ELMOD3: variants seen among roughly 807,000 people sequenced by gnomAD.
ELMOD3 encodes ELMO domain containing 3.
A neutral mutation model predicts 47.4 loss-of-function variants in ELMOD3; 36 were observed. That is an observed-to-expected ratio of 0.76 (90% CI 0.58 to 1.00). The LOEUF (loss-of-function observed/expected upper bound fraction) is 1.00. Among genes scored for constraint, ELMOD3 ranks in the 50% least tolerant of loss-of-function variants. The pLI is 0.00. For missense variants in ELMOD3, 404 were observed against 463.8 expected (o/e 0.87, Z 1.18); for synonymous variants, 149 against 183.5 (o/e 0.81, Z 1.52).
At chr2:85,364,091 T>C (rs1684174567) in intron 6 of ELMOD3, among the ~76,000 whole-genome samples, 1 of 152,156 alleles carries the variant, frequency 6.6e-6, no homozygotes, top group South Asian at 2.1e-4. Flanking sequence ...ATTGTGCTAC[T>C]GCACCCATAC....
Position 85,371,145 on chromosome 2 carries a change from C to T in ELMOD3, c.420C>T (p.Phe140=), listed in dbSNP as rs767176022. 9 of 1,614,098 alleles carry T rather than the reference C, an allele frequency of 5.6e-6. No homozygotes were observed. The highest frequency in any genetic ancestry group is 1.3e-5 in the African/African-American group (1 of 74,942). ...TCGCCGCCCTCCGACACTACCTCTT[C>T]GGGCCTCCAAAGCTCCACCAGCGCC... ...TGLAALRHYL[F]GPPKLHQRLR... Residue 140 remains phenylalanine, a synonymous_variant, in exon 9 of 14, where the codon TTC becomes TTT. Transcript: ENST00000409013.
intron 4 of ELMOD3, chr2:85,360,917 T>G (rs1683907631): frequency 5.9e-6 from 1 of 169,728 alleles, no homozygotes; most frequent in African/African-American, 2.4e-5. Flanking sequence ...TTTAGATACA[T>G]GATACTTCTT....
intron 9 of ELMOD3, 82 bp from the exon 10 acceptor site, chr2:85,371,358 C>A: frequency 6.2e-7 from 1 of 1,601,150 alleles, no homozygotes; most frequent in Non-Finnish European, 8.5e-7. Flanking sequence ...GTCTCACAGT[C>A]CAGATCTCAC....
intron 10 of ELMOD3, chr2:85,371,924 A>C: frequency 4.5e-6 from 1 of 221,112 alleles, no homozygotes; most frequent in Admixed American, 5.3e-5. Context: ...TAATCCCAGC[A>C]CTTTGGGAGG....
intron 4 of ELMOD3, among the ~76,000 whole-genome samples, chr2:85,360,058 T>C (rs1297832827): frequency 1.3e-5 from 2 of 151,982 alleles, no homozygotes; most frequent in Non-Finnish European, 2.9e-5. Flanking sequence ...CGCGAGACTC[T>C]ATCTCAAAAA....
chr2:85,377,208 G>A, intron 10 of ELMOD3, 136 bp from the exon 11 acceptor site: 5 of 764,708 alleles, frequency 6.5e-6, no homozygotes, highest in Non-Finnish European at 9.5e-6. Context: ...AGCCCCACAA[G>A]TGTGGCAGAA....
intron 11 of ELMOD3, among the ~76,000 whole-genome samples, chr2:85,389,179 C>G (rs1686137762): frequency 6.6e-6 from 1 of 152,216 alleles, no homozygotes; most frequent in Non-Finnish European, 1.5e-5. Context: ...GGGGTCTGAC[C>G]CGCACAGCTG....
At chr2:85,358,389 G>C (rs1280817159) in intron 4 of ELMOD3, among the ~76,000 whole-genome samples, 1 of 152,146 alleles carries the variant, frequency 6.6e-6, no homozygotes, top group Non-Finnish European at 1.5e-5. Context: ...TTAGAGGTGT[G>C]AGACAGCATT....
chr2:85,390,287 G>A lies in ELMOD3; in HGVS notation c.943+22G>A, dbSNP rs780476562. The A allele has an allele frequency of 4.8e-5, 77 of 1,613,984 alleles. 3 individuals carry two copies. The South Asian group carries it at 8.2e-4, about 17-fold the overall frequency. On this transcript the variant is annotated intron_variant, in intron 13 of 13. Transcript: ENST00000409013. ...AAAGGTGTGCTCTTTCTTCTGGGGA[G>A]GCCTAGGCTGAATGCACAGTGTCCC...
intron 10 of ELMOD3, among the ~76,000 whole-genome samples, chr2:85,375,943 C>A (rs1685142185): frequency 6.6e-6 from 1 of 152,216 alleles, no homozygotes; most frequent in Non-Finnish European, 1.5e-5. Context: ...GGGCTTCCGC[C>A]TTTCTTTTCC....
At position 85,390,547 on chromosome 2, in the gene ELMOD3, A is replaced by G. The variant is rs549828410; in HGVS notation, c.944-213A>G. 6.8e-5 allele frequency: 107 copies of G among 1,571,702 alleles called. No individual in the cohort carries two copies. The Admixed American group carries it at 1.6e-3, about 24-fold the overall frequency. On this transcript the variant is annotated intron_variant, in intron 13 of 13. Coordinates refer to ENST00000409013, the MANE Select transcript of ELMOD3 (RefSeq NM_001135022.2). ...AATAGTTGGACTATTCAAAGTTGCA[A>G]TTGTGCAGACAAGGTAGAGTGTGTG...
chr2:85,383,392 C>G (rs1685724171), intron 11 of ELMOD3, among the ~76,000 whole-genome samples: 1 of 151,724 alleles, frequency 6.6e-6, no homozygotes, highest in African/African-American at 2.4e-5. Flanking sequence ...TCACTGCATT[C>G]CAGCCTGGGT....
intron 11 of ELMOD3, among the ~76,000 whole-genome samples, chr2:85,381,417 A>C (rs1296609803): frequency 6.6e-6 from 1 of 152,270 alleles, no homozygotes. Flanking sequence ...TAATAAAAAC[A>C]GCATGAAGCC....
chr2:85,378,128 T>C (rs1212053514), intron 11 of ELMOD3, among the ~76,000 whole-genome samples: 1 of 152,212 alleles, frequency 6.6e-6, no homozygotes, highest in African/African-American at 2.4e-5. Context: ...TTGTGGGAGC[T>C]AAGAACATAA....
chr2:85,387,286 A>G (rs958625465), intron 11 of ELMOD3: 7 of 1,056,466 alleles, frequency 6.6e-6, no homozygotes, highest in Non-Finnish European at 8.2e-6. Flanking sequence ...TGTGCCTAGT[A>G]CTTTGCACAT....
chr2:85,373,978 G>C (rs1009029415), intron 10 of ELMOD3, among the ~76,000 whole-genome samples: 15 of 139,948 alleles, frequency 1.1e-4, no homozygotes, highest in African/African-American at 4.0e-4. Context: ...CTTAGGATAG[G>C]TCTGCTGGCT....
At chr2:85,362,392 A>C (rs1247337716) in intron 5 of ELMOD3, 132 bp downstream of exon 5, 1 of 656,594 alleles carries the variant, frequency 1.5e-6, no homozygotes, top group Non-Finnish European at 2.8e-6. Flanking sequence ...CTCACACTTG[A>C]GGGGAGTGAG....
intron 7 of ELMOD3, 127 bp from the exon 8 acceptor site, chr2:85,369,612 T>A (rs1684642985): frequency 1.1e-6 from 1 of 924,986 alleles, no homozygotes; most frequent in Non-Finnish European, 1.7e-6. Context: ...TGGTTGTAGC[T>A]GTAAGTGTCT....
rs376853743 is a variant in ELMOD3, at chr2:85,373,088, C to G, written c.607+1526C>G. On this transcript the variant is annotated intron_variant, in intron 10 of 13. Coordinates refer to ENST00000409013, the MANE Select transcript of ELMOD3 (RefSeq NM_001135022.2). ...TGGCCAACATGGCGAAACCCCATCT[C>G]TACTAAAAATATATAAATTAGCCAG... Among the ~76,000 whole-genome samples, 172 of 151,694 alleles carry G rather than the reference C, an allele frequency of 1.1e-3. 2 individuals carry two copies. In the South Asian group the frequency reaches 0.018, roughly 16 times the overall value.
Sources: gnomAD v4.1 joint callset for allele counts (sites outside exome capture counted in the v4.1 genomes callset) on GRCh38, gnomAD v4.1.1 for gene constraint, MANE v1.5 for transcripts, NCBI Gene and HGNC (gene_info 2026-07-23, HGNC 2026-07-21) for gene names.